Variants in MEOX1 observed in about 807,000 individuals in gnomAD.
MEOX1 encodes homeobox protein MOX-1.
MEOX1 carries 17 observed loss-of-function variants against 23.2 expected under a neutral mutation model. The ratio of observed to expected loss-of-function variants is 0.73; its 90% confidence interval spans 0.50 to 1.10. The LOEUF (loss-of-function observed/expected upper bound fraction) is 1.10. Ranked by LOEUF, MEOX1 falls within the 50% of genes least tolerant of loss-of-function variation. The pLI is 0.00. For synonymous variants in MEOX1, 134 were observed against 135.1 expected (o/e 0.99, Z 0.06); for missense variants, 333 against 332.2 (o/e 1.00, Z -0.02).
rs199605919 is a variant in MEOX1 at position 43,641,873 on chromosome 17, G to A, written c.*37C>T. 2,056 of 1,587,372 alleles carry A rather than the reference G, an allele frequency of 1.3e-3. 3 individuals carry two copies. The highest frequency in any genetic ancestry group is 1.6e-3 in the Non-Finnish European group (1,885 of 1,166,622). ...TTGGGGTGGGGGTAGTTGGGTAGGG[G>A]GCTCAGTCCTTAGTCATTTTTCCTC... On this transcript the variant is annotated 3_prime_UTR_variant, in exon 3 of 3. Coordinates refer to ENST00000318579, the MANE Select transcript of MEOX1 (RefSeq NM_004527.4).
At position 43,661,423 on chromosome 17, in the gene MEOX1, A is replaced by C; in HGVS notation, c.112T>G (p.Tyr38Asp). The change falls in exon 1 of 3, where the codon TAC becomes GAC. Residue 38 changes from tyrosine to aspartate, a missense_variant. Transcript: ENST00000318579. ...EGNGASGLPH[Y>D]PPTPFSFHQK... Reference sequence around the variant, plus strand: ...TGGAAGGAGAACGGGGTGGGCGGGTAGTGGGGTAGCCCTGAGGCCCCATTG... The same window carrying C: ...TGGAAGGAGAACGGGGTGGGCGGGTCGTGGGGTAGCCCTGAGGCCCCATTG... The C allele has an allele frequency of 2.7e-6, 2 of 738,654 alleles. No homozygotes were observed. The highest frequency in any genetic ancestry group is 4.5e-6 in the Non-Finnish European group (2 of 446,528). 45.8% of individuals were successfully genotyped at this position (738,654 alleles called of 1,614,324 possible).
intron 1 of MEOX1, among the ~76,000 whole-genome samples, chr17:43,646,288 C>G (rs1972812780): frequency 6.6e-6 from 1 of 152,122 alleles, no homozygotes; most frequent in South Asian, 2.1e-4. Flanking sequence ...CGGCCTTGGC[C>G]GCCGCCAGCG....
chr17:43,647,281 G>A (rs1374201116), intron 1 of MEOX1, among the ~76,000 whole-genome samples: 1 of 152,124 alleles, frequency 6.6e-6, no homozygotes, highest in Non-Finnish European at 1.5e-5. Context: ...TCTGTACCTG[G>A]CACAACTGAC....
In MEOX1 at chr17:43,661,142, G is replaced by T. The variant is rs201255960; in HGVS notation, c.393C>A (p.Gly131=). The change falls in exon 1 of 3, where the codon GGC becomes GGA. Residue 131 remains glycine, a synonymous_variant. Coordinates refer to ENST00000318579, the MANE Select transcript of MEOX1 (RefSeq NM_004527.4). ...LGLVDTTGGP[G]DDYGVLGSTA... ...TGCTCCCAAGCACCCCGTAGTCATC[G>T]CCTGGGCCTCCTGTGGTGTCCACCA... 6.5e-7 allele frequency: 1 copy of T among 1,548,800 alleles called. No individual in the cohort carries two copies. Among genetic ancestry groups the T allele is most frequent in the African/African-American group, 1.4e-5 (1 of 72,328 alleles).
At chr17:43,650,447 T>G (rs1972893073) in intron 1 of MEOX1, among the ~76,000 whole-genome samples, 1 of 152,166 alleles carries the variant, frequency 6.6e-6, no homozygotes, top group Non-Finnish European at 1.5e-5. Flanking sequence ...GTTGAACATA[T>G]GAGCAATTAA....
intron 1 of MEOX1, among the ~76,000 whole-genome samples, chr17:43,654,977 G>A (rs1280558327): frequency 4.6e-5 from 7 of 152,038 alleles, no homozygotes; most frequent in Admixed American, 6.6e-5. Context: ...GCATGAACCC[G>A]GGAGGCGGAG....
chr17:43,648,138 C>T (rs1972844670), intron 1 of MEOX1, among the ~76,000 whole-genome samples: 2 of 152,224 alleles, frequency 1.3e-5, no homozygotes, highest in Non-Finnish European at 2.9e-5. Context: ...TCACCCTGCT[C>T]ATGGGCACAG....
intron 1 of MEOX1, among the ~76,000 whole-genome samples, chr17:43,650,193 A>G (rs1281061554): frequency 1.3e-5 from 2 of 150,604 alleles, no homozygotes; most frequent in African/African-American, 4.8e-5. Context: ...AGGCTTTCAC[A>G]GATACTACAG....
chr17:43,642,920 C>A (rs761924993), intron 2 of MEOX1, among the ~76,000 whole-genome samples: 2 of 152,330 alleles, frequency 1.3e-5, no homozygotes, highest in South Asian at 2.1e-4. Context: ...GTGAGAATCA[C>A]CTAGGGGGCC....
intron 2 of MEOX1, 93 bp from the exon 3 acceptor site, chr17:43,642,125 G>A: frequency 7.2e-7 from 1 of 1,393,190 alleles, no homozygotes; most frequent in Non-Finnish European, 9.8e-7. Flanking sequence ...GTAACTCCAG[G>A]GACCCCAGCT....
rs1253590827 is a variant in MEOX1 at position 43,641,680 on chromosome 17, T to C, written c.*230A>G. On this transcript the variant is annotated 3_prime_UTR_variant, in exon 3 of 3. Transcript: ENST00000318579. ...CCGGTAGGATCTCTGTCTGATTCCA[T>C]GAGAGTGTGGGAGCAAAGGCCCTAG... The C allele has an allele frequency of 4.3e-6, 2 of 466,162 alleles. No homozygotes were observed. The highest frequency in any genetic ancestry group is 7.6e-6 in the Non-Finnish European group (2 of 262,436). 28.9% of individuals were successfully genotyped at this position (466,162 alleles called of 1,614,324 possible).
intron 2 of MEOX1, 141 bp downstream of exon 2, chr17:43,643,347 T>C (rs1359826372): frequency 1.4e-6 from 1 of 717,258 alleles, no homozygotes; most frequent in Non-Finnish European, 2.1e-6. Flanking sequence ...CCCCAGGCTA[T>C]TCTCAGGTGT....
intron 1 of MEOX1, among the ~76,000 whole-genome samples, chr17:43,657,067 CTTCTTTCTTTCTT>C (rs1326731070): frequency 1.1e-5 from 1 of 94,130 alleles, no homozygotes; most frequent in African/African-American, 3.8e-5. Flanking sequence ...TCCTTCCTTC[CTTCTTTCTTTCTT>C]TTCTTTCTTT....
intron 1 of MEOX1, among the ~76,000 whole-genome samples, chr17:43,654,303 G>A (rs1972971905): frequency 6.6e-6 from 1 of 152,132 alleles, no homozygotes; most frequent in African/African-American, 2.4e-5. Flanking sequence ...GAGGTCAGGA[G>A]TTCGAGACCA....
chr17:43,659,745 G>C (rs1973104683), intron 1 of MEOX1, among the ~76,000 whole-genome samples: 1 of 152,146 alleles, frequency 6.6e-6, no homozygotes, highest in South Asian at 2.1e-4. Context: ...AAAACCTGCT[G>C]TCCCCATCTC....
chr17:43,653,750 C>T (rs537048663), intron 1 of MEOX1, among the ~76,000 whole-genome samples: 6 of 152,034 alleles, frequency 3.9e-5, no homozygotes, highest in African/African-American at 7.2e-5. Flanking sequence ...GCTCATGATC[C>T]GCCCACCTCG....
chr17:43,643,112 C>G (rs1972728412), intron 2 of MEOX1, among the ~76,000 whole-genome samples: 1 of 151,760 alleles, frequency 6.6e-6, no homozygotes, highest in Non-Finnish European at 1.5e-5. Flanking sequence ...AGTTTGAGAC[C>G]ATCCTGGCCA....
chr17:43,643,477 C>CG lies in MEOX1; in HGVS notation c.642+10dup, dbSNP rs762635938. ...AGAGCAAAGAAGAGGAGGGGCCCAC[C>CG]GGGGGCGCACCTGGCGCTCAGAGAG... On this transcript the variant is annotated intron_variant, in intron 2 of 2. Transcript: ENST00000318579. The CG allele has an allele frequency of 2.6e-6, 4 of 1,562,444 alleles. No individual in the cohort carries two copies. The highest frequency in any genetic ancestry group is 3.5e-6 in the Non-Finnish European group (4 of 1,152,138).
intron 1 of MEOX1, among the ~76,000 whole-genome samples, chr17:43,655,435 C>T (rs1178664456): frequency 1.3e-5 from 2 of 150,492 alleles, no homozygotes; most frequent in Non-Finnish European, 3.0e-5. Context: ...CGCGCCACTG[C>T]ACTCCAGCCT....
Sources: allele counts gnomAD v4.1 joint callset (sites outside exome capture counted in the v4.1 genomes callset), GRCh38; gene constraint gnomAD v4.1.1; transcripts MANE v1.5; gene names NCBI Gene and HGNC (gene_info 2026-07-23, HGNC 2026-07-21).